The following METAP2 variants were observed in gnomAD, a reference collection of about 807,000 sequenced individuals.
METAP2 encodes the protein methionine aminopeptidase 2.
METAP2 carries 25 observed loss-of-function variants against 59.4 expected under a neutral mutation model. The observed-to-expected ratio is 0.42, with a 90% confidence interval of 0.31 to 0.59. The LOEUF is 0.59. Among genes scored for constraint, METAP2 ranks in the 20% least tolerant of loss-of-function variants. The pLI, the probability that METAP2 is intolerant of heterozygous loss-of-function variation, is 0.16. For missense variants in METAP2, 366 were observed against 581.2 expected (o/e 0.63, Z 3.81); for synonymous variants, 214 against 194.1 (o/e 1.10, Z -0.85).
At chr12:95,497,423 G>A (rs1390836157) in intron 7 of METAP2, among the ~76,000 whole-genome samples, 5 of 152,162 alleles carry the variant, frequency 3.3e-5, no homozygotes, top group Non-Finnish European at 7.3e-5. Flanking sequence ...ACTTCCTTAA[G>A]GCTAAATAAT....
chr12:95,484,447 A>C (rs1466231578), intron 3 of METAP2, among the ~76,000 whole-genome samples: 1 of 152,084 alleles, frequency 6.6e-6, no homozygotes, highest in African/African-American at 2.4e-5. Context: ...GCTATAAGAA[A>C]TAGTGTTACC....
chr12:95,495,904 A>G (rs910081069), intron 6 of METAP2, 100 bp from the exon 7 acceptor site: 17 of 723,554 alleles, frequency 2.3e-5, no homozygotes, highest in Non-Finnish European at 3.0e-5. Flanking sequence ...CCTTCATTCT[A>G]TTTTTCTGTT....
intron 4 of METAP2, among the ~76,000 whole-genome samples, chr12:95,488,148 C>G (rs185176303): frequency 6.4e-4 from 97 of 152,006 alleles, no homozygotes; most frequent in African/African-American, 2.3e-3. Flanking sequence ...TTTATGATAT[C>G]TTTTGCTCTT....
rs773390612 is a variant in METAP2 at position 95,492,455 on chromosome 12, G to A, written c.429-1601G>A. Reference sequence around the variant, plus strand: ...GGAGTCTGGAATTATAGACCCTGACGCTGGGTTTTTCTTATTGTTAATAAC... The same window carrying A: ...GGAGTCTGGAATTATAGACCCTGACACTGGGTTTTTCTTATTGTTAATAAC... On this transcript the variant is annotated intron_variant, in intron 4 of 10. Coordinates refer to ENST00000323666, the MANE Select transcript of METAP2 (RefSeq NM_006838.4). 4.9e-4 allele frequency among the ~76,000 whole-genome samples: 74 copies of A among 152,166 alleles called. 1 individual carries two copies. Among genetic ancestry groups the A allele is most frequent in the Non-Finnish European group, 8.5e-4 (58 of 67,996 alleles).
chr12:95,475,443 T>G (rs1249666143), intron 1 of METAP2, among the ~76,000 whole-genome samples: 3 of 152,230 alleles, frequency 2.0e-5, no homozygotes, highest in Non-Finnish European at 2.9e-5. Context: ...AATGTATTTT[T>G]AACAGTTGTA....
intron 10 of METAP2, 60 bp downstream of exon 10, chr12:95,512,976 A>G (rs2076414628): frequency 1.0e-6 from 1 of 994,010 alleles, no homozygotes; most frequent in Non-Finnish European, 1.6e-6. Context: ...AGTTAACAGC[A>G]TTTCTAAAAA....
intron 8 of METAP2, among the ~76,000 whole-genome samples, chr12:95,507,773 C>T (rs2076372447): frequency 6.7e-6 from 1 of 149,760 alleles, no homozygotes; most frequent in Non-Finnish European, 1.5e-5. Context: ...CCATGATTCT[C>T]ATGATTTTTT....
At chr12:95,479,559 C>T (rs192845606) in intron 2 of METAP2, among the ~76,000 whole-genome samples, 12 of 151,934 alleles carry the variant, frequency 7.9e-5, no homozygotes, top group Non-Finnish European at 1.6e-4. Context: ...TCATTCAATA[C>T]ATTTTGAGTC....
intron 3 of METAP2, chr12:95,484,874 G>T (rs568516583): frequency 2.2e-6 from 1 of 455,168 alleles, no homozygotes; most frequent in Non-Finnish European, 4.4e-6. Context: ...CTCATTTCAG[G>T]TACTATTCTA....
chr12:95,503,651 C>G (rs1275042183), intron 7 of METAP2, among the ~76,000 whole-genome samples: 1 of 152,158 alleles, frequency 6.6e-6, no homozygotes, highest in African/African-American at 2.4e-5. Flanking sequence ...CTGCCCACTC[C>G]CATACCCCCA....
intron 2 of METAP2, among the ~76,000 whole-genome samples, chr12:95,479,837 G>A (rs570371947): frequency 6.6e-6 from 1 of 152,270 alleles, no homozygotes; most frequent in South Asian, 2.1e-4. Flanking sequence ...TCGAACTCCT[G>A]GCCTCAAGTG....
At position 95,486,760 on chromosome 12, in the gene METAP2, G is replaced by A. The variant is rs12305101; in HGVS notation, c.428+779G>A. ...GATCCGCCCACCTTGGCCTCCCAAA[G>A]TGCTGGGATTACAGGCATGAGCCAC... On this transcript the variant is annotated intron_variant, in intron 4 of 10. Coordinates refer to ENST00000323666, the MANE Select transcript of METAP2 (RefSeq NM_006838.4). 3.3e-3 allele frequency among the ~76,000 whole-genome samples: 508 copies of A among 152,296 alleles called. 2 individuals are homozygous for A. Among genetic ancestry groups the A allele is most frequent in the African/African-American group, 0.012 (483 of 41,566 alleles).
intron 4 of METAP2, among the ~76,000 whole-genome samples, chr12:95,493,780 T>C (rs919151342): frequency 1.3e-5 from 2 of 152,246 alleles, no homozygotes; most frequent in African/African-American, 4.8e-5. Context: ...TCTGATTGTT[T>C]TATTATCTTT....
At chr12:95,482,953 T>C (rs1476184720) in intron 2 of METAP2, among the ~76,000 whole-genome samples, 2 of 152,296 alleles carry the variant, frequency 1.3e-5, no homozygotes, top group South Asian at 2.1e-4. Flanking sequence ...CTCACTATGT[T>C]GCCCAAGCTG....
chr12:95,474,153 T>C lies in METAP2; in HGVS notation c.-27T>C. 6.2e-7 allele frequency: 1 copy of C among 1,611,898 alleles called. No homozygotes were observed. Among genetic ancestry groups the C allele is most frequent in the Non-Finnish European group, 8.5e-7 (1 of 1,179,110 alleles). On this transcript the variant is annotated 5_prime_UTR_variant, in exon 1 of 11. Coordinates refer to ENST00000323666, the MANE Select transcript of METAP2 (RefSeq NM_006838.4). ...GGATCGGGGCCCTCGCCGCTCTGTCTCATTCCCTCGCGCTCTCTCGGGCAA... is the reference window on the plus strand; with the variant it reads ...GGATCGGGGCCCTCGCCGCTCTGTCCCATTCCCTCGCGCTCTCTCGGGCAA...
intron 7 of METAP2, among the ~76,000 whole-genome samples, chr12:95,502,249 T>A (rs1467448473): frequency 6.6e-6 from 1 of 152,098 alleles, no homozygotes; most frequent in Non-Finnish European, 1.5e-5. Flanking sequence ...CAAGTGATCC[T>A]CCCACCTTGG....
rs941965312 is a variant in METAP2 at position 95,494,364 on chromosome 12, A to G, written c.590+147A>G. Reference sequence around the variant, plus strand: ...ATGCCTTCTAGATTATTTTAGTGTCACTATGAGAAAACCATGAAGAGGAGT... The same window carrying G: ...ATGCCTTCTAGATTATTTTAGTGTCGCTATGAGAAAACCATGAAGAGGAGT... On this transcript the variant is annotated intron_variant, in intron 5 of 10. Transcript: ENST00000323666. 1.1e-5 allele frequency: 9 copies of G among 811,474 alleles called. No homozygotes were observed. In the African/African-American group the frequency reaches 1.6e-4, roughly 14 times the overall value. 50.3% of individuals were successfully genotyped at this position (811,474 alleles called of 1,614,324 possible).
rs2076100690 is a variant in METAP2 at position 95,474,245 on chromosome 12, C to T, written c.66C>T (p.Asp22=). 3.1e-6 allele frequency: 5 copies of T among 1,614,158 alleles called. No individual in the cohort carries two copies. The highest frequency in any genetic ancestry group is 3.4e-6 in the Non-Finnish European group (4 of 1,180,024). ...SHLNGDLDPD[D]REEGAASTAE... ...TGAATGGCGACCTGGATCCAGACGA[C>T]AGGGAAGAAGGAGCTGCCTCTACGG... Residue 22 remains aspartate (D), a synonymous_variant, in exon 1 of 11, where the codon GAC becomes GAT. Transcript: ENST00000323666.
intron 10 of METAP2, 114 bp from the exon 11 acceptor site, chr12:95,513,538 A>G (rs2076420997): frequency 1.7e-6 from 2 of 1,210,914 alleles, no homozygotes; most frequent in East Asian, 2.4e-5. Flanking sequence ...AGCAACAATA[A>G]AAGTTTTTGG....
Sources: allele counts gnomAD v4.1 joint callset (sites outside exome capture counted in the v4.1 genomes callset), GRCh38; gene constraint gnomAD v4.1.1; transcripts MANE v1.5; gene names NCBI Gene and HGNC (gene_info 2026-07-23, HGNC 2026-07-21).